HTRA3: variants seen among roughly 807,000 people sequenced by gnomAD.
The protein encoded by HTRA3 is HtrA serine peptidase 3, also known as serine protease HTRA3.
In HTRA3, 41 loss-of-function variants were observed where a neutral mutation model predicts 43.2. The observed-to-expected ratio is 0.95, with a 90% CI of 0.74 to 1.23. The LOEUF (loss-of-function observed/expected upper bound fraction) is 1.23. Among genes scored for constraint, HTRA3 ranks in the 50% most tolerant of loss-of-function variants. The probability of loss-of-function intolerance (pLI) is 0.00; values close to 1 mark genes in which losing one functional copy is unlikely to be tolerated. For missense variants in HTRA3, 628 were observed against 647.1 expected (o/e 0.97, Z 0.32); for synonymous variants, 295 against 287.9 (o/e 1.02, Z -0.25).
At chr4:8,280,210 G>A (rs771410348) in intron 1 of HTRA3, among the ~76,000 whole-genome samples, 20 of 152,272 alleles carry the variant, frequency 1.3e-4, no homozygotes, top group Non-Finnish European at 2.2e-4. Context: ...GGCTGTGCCC[G>A]TGCCCTGGCG....
At chr4:8,284,070 T>G (rs1305869189) in intron 2 of HTRA3, among the ~76,000 whole-genome samples, 1 of 152,170 alleles carries the variant, frequency 6.6e-6, no homozygotes, top group African/African-American at 2.4e-5. Context: ...CCACACCTGC[T>G]GGGAGCTCCC....
intron 6 of HTRA3, among the ~76,000 whole-genome samples, chr4:8,300,633 C>A (rs1405390283): frequency 6.6e-6 from 1 of 152,152 alleles, no homozygotes; most frequent in Non-Finnish European, 1.5e-5. Context: ...ATCGATCTTG[C>A]TAAAGATTTA....
rs1427919731 is a variant in HTRA3 at position 8,291,657 on chromosome 4, CA to C, written c.903+94del. 4 of 882,066 alleles carry C rather than the reference CA, an allele frequency of 4.5e-6. No individual in the cohort carries two copies. The Admixed American group carries it at 1.1e-4, about 25-fold the overall frequency. The allele number at this position is 882,066 out of a possible 1,614,324, so 54.6% of individuals were successfully genotyped here. On this transcript the variant is annotated intron_variant, in intron 4 of 8. Transcript: ENST00000307358. ...CTCTGACTCGGCTTGCCCCCCTCCCCAGAGCCATTCTGGCACTCGACACATC... is the reference window on the plus strand; with the variant it reads ...CTCTGACTCGGCTTGCCCCCCTCCCCGAGCCATTCTGGCACTCGACACATC...
chr4:8,292,469 C>T (rs13130633), intron 5 of HTRA3, 116 bp downstream of exon 5: 203,901 of 871,732 alleles, frequency 0.23, 25,434 homozygotes, highest in South Asian at 0.37. Flanking sequence ...TTTACACCAA[C>T]AGTCGGGAGT....
In HTRA3 at chr4:8,270,145, C is replaced by T. The variant is rs769532680; in HGVS notation, c.177C>T (p.Gly59=). The T allele has an allele frequency of 6.5e-7, 1 of 1,543,946 alleles. No individual in the cohort carries two copies. The highest frequency in any genetic ancestry group is 8.6e-7 in the Non-Finnish European group (1 of 1,157,472). ...NCCLVCAASE[G]EPCGGPLDSP... ...GCCTGGTGTGCGCCGCCAGCGAGGG[C>T]GAGCCCTGTGGCGGCCCTCTGGACT... The change falls in exon 1 of 9, where the codon GGC becomes GGT. Residue 59 remains glycine, a synonymous_variant. Transcript: ENST00000307358.
chr4:8,280,729 G>C lies in HTRA3; in HGVS notation c.386-1708G>C, dbSNP rs568629064. Among the ~76,000 whole-genome samples the C allele has an allele frequency of 1.8e-3, 240 of 132,962 alleles. 2 individuals are homozygous for C. Among genetic ancestry groups the C allele is most frequent in the Non-Finnish European group, 2.8e-3 (167 of 59,890 alleles). The allele number at this position is 132,962 out of a possible 152,430, so 87.2% of individuals were successfully genotyped here. A position where few individuals can be genotyped will look rare whatever the true frequency, so the allele number is the denominator to read the frequency against. On this transcript the variant is annotated intron_variant, in intron 1 of 8. Transcript: ENST00000307358. ...AGTGGTTTGATCTATGAGGAGCCTCGCGGTGGCCGGCGTCTCCCAGCCAGG... is the reference window on the plus strand; with the variant it reads ...AGTGGTTTGATCTATGAGGAGCCTCCCGGTGGCCGGCGTCTCCCAGCCAGG...
At chr4:8,303,465 G>A (rs1272619340) in intron 7 of HTRA3, among the ~76,000 whole-genome samples, 1 of 152,188 alleles carries the variant, frequency 6.6e-6, no homozygotes, top group African/African-American at 2.4e-5. Flanking sequence ...GAGGCTGGAA[G>A]TACAAACTTG....
intron 1 of HTRA3, among the ~76,000 whole-genome samples, chr4:8,275,105 G>A (rs781732089): frequency 1.8e-4 from 27 of 152,160 alleles, no homozygotes; most frequent in South Asian, 2.1e-4. Context: ...TGGAACTGCC[G>A]GCAGAGCTGC....
At chr4:8,278,060 G>A (rs755634311) in intron 1 of HTRA3, among the ~76,000 whole-genome samples, 34 of 152,202 alleles carry the variant, frequency 2.2e-4, no homozygotes, top group Non-Finnish European at 3.7e-4. Flanking sequence ...GTAAGGGCCT[G>A]GAGTTACGCA....
intron 1 of HTRA3, 73 bp downstream of exon 1, chr4:8,270,426 G>A (rs1218901101): frequency 3.0e-6 from 4 of 1,345,900 alleles, no homozygotes; most frequent in East Asian, 6.3e-5. Flanking sequence ...AGTTAGGGCC[G>A]AGCTCGAGGT....
chr4:8,290,906 G>A (rs919366927), intron 3 of HTRA3, among the ~76,000 whole-genome samples: 47 of 152,332 alleles, frequency 3.1e-4, no homozygotes, highest in African/African-American at 1.1e-3. Context: ...AGATGGAACT[G>A]GATCAAGGAT....
chr4:8,283,707 C>T (rs1019052457), intron 2 of HTRA3, among the ~76,000 whole-genome samples: 4 of 152,222 alleles, frequency 2.6e-5, no homozygotes, highest in South Asian at 2.1e-4. Flanking sequence ...CAGGCGGACA[C>T]GGAGCCGGCA....
Position 8,269,986 on chromosome 4 carries a change from G to C in HTRA3, c.18G>C (p.Leu6=). The C allele has an allele frequency of 8.1e-7, 1 of 1,241,176 alleles. No homozygotes were observed. The highest frequency in any genetic ancestry group is 1.0e-6 in the Non-Finnish European group (1 of 995,934). 76.9% of individuals were successfully genotyped at this position (1,241,176 alleles called of 1,614,324 possible). Residue 6 remains leucine (L), a synonymous_variant, in exon 1 of 9, where the codon CTG becomes CTC. Coordinates refer to ENST00000307358, the MANE Select transcript of HTRA3 (RefSeq NM_053044.5). MQARA[L]LLAALAALAL... is the part of the protein sequence containing the mutation. ...CTGCCGCCATGCAGGCGCGAGCGCT[G>C]CTCCTGGCCGCGTTGGCCGCGCTGG...
intron 1 of HTRA3, among the ~76,000 whole-genome samples, chr4:8,280,244 G>A (rs1396455418): frequency 6.6e-6 from 1 of 152,190 alleles, no homozygotes; most frequent in Non-Finnish European, 1.5e-5. Flanking sequence ...GAGGCACATG[G>A]GGCGCCAGCC....
At chr4:8,274,506 A>G (rs1712439325) in intron 1 of HTRA3, among the ~76,000 whole-genome samples, 2 of 152,188 alleles carry the variant, frequency 1.3e-5, no homozygotes, top group African/African-American at 4.8e-5. Flanking sequence ...TGTAGATGAC[A>G]CGAAATGAGA....
chr4:8,292,006 C>A (rs781658522), intron 4 of HTRA3, among the ~76,000 whole-genome samples: 1 of 151,602 alleles, frequency 6.6e-6, no homozygotes, highest in Non-Finnish European at 1.5e-5. Context: ...TGTAGAGGGC[C>A]CCCCCAGGCC....
In HTRA3 at chr4:8,286,826, G is replaced by A; in HGVS notation, c.708+43G>A. The stretch of plus-strand genomic sequence containing the variant: ...GAGGGGCGGAAGCACCTGGGGCTGG[G>A]CATGGTGGCCTCTTCCCAGACGCCG... On this transcript the variant is annotated intron_variant, in intron 3 of 8. Transcript: ENST00000307358. This position sits in a 1 kb window ranked among gnomAD's most constrained non-coding sequence, Gnocchi z 4.9. 6.8e-7 allele frequency: 1 copy of A among 1,474,386 alleles called. No individual in the cohort carries two copies. Among genetic ancestry groups the A allele is most frequent in the South Asian group, 1.2e-5 (1 of 83,944 alleles). The allele number at this position is 1,474,386 out of a possible 1,614,324, so 91.3% of individuals were successfully genotyped here. A position where few individuals can be genotyped will look rare whatever the true frequency, so the allele number is the denominator to read the frequency against.
rs750841475 is a variant in HTRA3, at chr4:8,291,361, C to G, written c.709-9C>G. The G allele has an allele frequency of 1.9e-6, 3 of 1,612,510 alleles. No individual in the cohort carries two copies. The highest frequency in any genetic ancestry group is 1.7e-5 in the Admixed American group (1 of 59,994). The stretch of plus-strand genomic sequence containing the variant: ...CTCCCTCTCTGTGTCTTCTCCTTCT[C>G]TCTCCTAGAAAAAGCTCCCTGTGTT... On this transcript the variant is annotated splice_polypyrimidine_tract_variant and intron_variant, in intron 3 of 8. Coordinates refer to ENST00000307358, the MANE Select transcript of HTRA3 (RefSeq NM_053044.5).
At chr4:8,303,318 G>A (rs143707234) in intron 7 of HTRA3, among the ~76,000 whole-genome samples, 2,306 of 152,322 alleles carry the variant, frequency 0.015, 26 homozygotes, top group Non-Finnish European at 0.024. Context: ...TCAGCTCCTT[G>A]GGAGCAAGGA....
Sources: gnomAD v4.1 joint callset for allele counts (sites outside exome capture counted in the v4.1 genomes callset) on GRCh38, gnomAD v4.1.1 for gene constraint, Gnocchi (gnomAD v3.1) non-coding constraint, MANE v1.5 for transcripts, NCBI Gene and HGNC (gene_info 2026-07-23, HGNC 2026-07-21) for gene names.